Variants in BTRC observed in about 807,000 individuals in gnomAD.
The protein encoded by BTRC is F-box/WD repeat-containing protein 1A.
In BTRC, 42 loss-of-function variants were observed where a neutral mutation model predicts 85.5. The ratio of observed to expected loss-of-function variants is 0.49; its 90% CI spans 0.38 to 0.64. BTRC has a LOEUF of 0.64. BTRC is among the 30% of genes least tolerant of loss of function. The probability of loss-of-function intolerance (pLI) is 0.00; values close to 1 mark genes in which losing one functional copy is unlikely to be tolerated. For missense variants in BTRC, 594 were observed against 743.5 expected (o/e 0.80, Z 2.34); for synonymous variants, 255 against 263.3 (o/e 0.97, Z 0.30).
At chr10:101,434,554 A>T (rs2134092191) in intron 2 of BTRC, among the ~76,000 whole-genome samples, 1 of 152,298 alleles carries the variant, frequency 6.6e-6, no homozygotes, top group South Asian at 2.1e-4. Flanking sequence ...AGATACAAAA[A>T]ATATGAACCA....
At chr10:101,470,565 G>A (rs1039530039) in intron 3 of BTRC, among the ~76,000 whole-genome samples, 1 of 151,976 alleles carries the variant, frequency 6.6e-6, no homozygotes, top group Non-Finnish European at 1.5e-5. Flanking sequence ...CCAGACCTCA[G>A]GTGATCCGAC....
chr10:101,381,099 A>T (rs1192962728), intron 1 of BTRC, among the ~76,000 whole-genome samples: 1 of 151,280 alleles, frequency 6.6e-6, no homozygotes, highest in East Asian at 1.9e-4. Flanking sequence ...ATTTTTACTT[A>T]TTCTCTGACC....
At chr10:101,374,787 A>T (rs1036894583) in intron 1 of BTRC, among the ~76,000 whole-genome samples, 94 of 22,172 alleles carry the variant, frequency 4.2e-3, no homozygotes, top group Admixed American at 6.6e-3. Flanking sequence ...TATAATAAAT[A>T]AAAAAAAAAA....
chr10:101,356,891 G>A (rs960293877), intron 1 of BTRC, among the ~76,000 whole-genome samples: 6 of 152,174 alleles, frequency 3.9e-5, no homozygotes, highest in Non-Finnish European at 7.3e-5. Flanking sequence ...AGGACTTTGG[G>A]AGGCCGAGGC....
intron 3 of BTRC, among the ~76,000 whole-genome samples, chr10:101,465,545 A>T (rs945527317): frequency 6.6e-6 from 1 of 152,196 alleles, no homozygotes. Context: ...TTAATTAATC[A>T]TCAGAAGGGA....
intron 1 of BTRC, among the ~76,000 whole-genome samples, chr10:101,385,615 CTTCT>C (rs1943052374): frequency 2.0e-5 from 1 of 48,908 alleles, no homozygotes; most frequent in African/African-American, 5.5e-5. Context: ...CTTTCTTCTT[CTTCT>C]TTTTTTTTTT....
chr10:101,466,011 C>T (rs780351352), intron 3 of BTRC, among the ~76,000 whole-genome samples: 4 of 152,168 alleles, frequency 2.6e-5, no homozygotes, highest in Non-Finnish European at 4.4e-5. Context: ...GTTTTCCTAC[C>T]TTTTATTCCT....
intron 1 of BTRC, among the ~76,000 whole-genome samples, chr10:101,373,181 A>T (rs1329380418): frequency 3.9e-5 from 6 of 152,270 alleles, no homozygotes; most frequent in Non-Finnish European, 8.8e-5. Flanking sequence ...AGCTATAAAC[A>T]TGTGAATACT....
At chr10:101,541,858 G>A (rs1284654948) in intron 13 of BTRC, among the ~76,000 whole-genome samples, 1 of 152,098 alleles carries the variant, frequency 6.6e-6, no homozygotes, top group African/African-American at 2.4e-5. Context: ...TTTTGTGTGT[G>A]TGTGTATCTG....
In BTRC at chr10:101,532,430, A is replaced by G; in HGVS notation, c.976A>G (p.Lys326Glu). 6.2e-7 allele frequency: 1 copy of G among 1,609,450 alleles called. No individual in the cohort carries two copies. Among genetic ancestry groups the G allele is most frequent in the Non-Finnish European group, 8.5e-7 (1 of 1,178,158 alleles). Residue 326 changes from lysine to glutamate, a missense_variant and splice_region_variant, in exon 8 of 15, where the codon AAG (lysine) becomes GAG (glutamate). This residue lies in a region of BTRC where 373 missense variants were observed against 503.6 expected (regional missense o/e 0.74). Coordinates refer to ENST00000370187, the MANE Select transcript of BTRC (RefSeq NM_033637.4). ...IVSGLRDNTI[K>E]IWDKNTLECK... ...AAGCGGCCTTCGAGACAACACAATC[A>G]AGGTGAGGTCTATTCAGTTGTAGAA...
At position 101,479,408 on chromosome 10, in the gene BTRC, C is replaced by T. The variant is rs369641092; in HGVS notation, c.275C>T (p.Thr92Ile). The stretch of plus-strand genomic sequence containing the variant: ...GCCAGACTCTGCTTAAACCAAGAAA[C>T]AGTATGTTTAGCAAGCACTGCTATG... The part of the protein sequence containing the change: ...SCARLCLNQE[T>I]VCLASTAMKT... The change falls in exon 4 of 15, where the codon ACA (threonine) becomes ATA (isoleucine). Residue 92 changes from threonine to isoleucine, a missense_variant. Physicochemically the swap from Thr to Ile is moderately conservative, Grantham distance 89. This residue lies in a region of BTRC where 163 missense variants were observed against 180.5 expected (regional missense o/e 0.90). Transcript: ENST00000370187. 2.5e-5 allele frequency: 41 copies of T among 1,613,286 alleles called. No homozygotes were observed. Among genetic ancestry groups the T allele is most frequent in the Non-Finnish European group, 3.2e-5 (38 of 1,179,576 alleles).
rs545069768 is a variant in BTRC, at chr10:101,509,549, C to T, written c.325-12090C>T. On this transcript the variant is annotated intron_variant, in intron 4 of 14. Coordinates refer to ENST00000370187, the MANE Select transcript of BTRC (RefSeq NM_033637.4). ...GATTACAGGCGTGAGCCACCGCGCCCAGCCTTTTTTTTTTTTTTTTTGAGA... is the reference window on the plus strand; with the variant it reads ...GATTACAGGCGTGAGCCACCGCGCCTAGCCTTTTTTTTTTTTTTTTTGAGA... Among the ~76,000 whole-genome samples, 577 of 144,820 alleles carry T rather than the reference C, an allele frequency of 4.0e-3. 7 individuals carry two copies. The highest frequency in any genetic ancestry group is 0.014 in the African/African-American group (548 of 38,890).
chr10:101,521,615 G>A, intron 4 of BTRC, 24 bp from the exon 5 acceptor site: 4 of 1,527,830 alleles, frequency 2.6e-6, no homozygotes, highest in Non-Finnish European at 3.6e-6. Context: ...ATCATTTTAT[G>A]TTTCTTTTAA....
rs1248738795 is a variant in BTRC at position 101,371,860 on chromosome 10, A to C, written c.48+17632A>C. Among the ~76,000 whole-genome samples the C allele has an allele frequency of 2.0e-5, 3 of 152,148 alleles. No homozygotes were observed. The East Asian group carries it at 5.8e-4, about 29-fold the overall frequency. On this transcript the variant is annotated intron_variant, in intron 1 of 14. Transcript: ENST00000370187. ...TTTTTTTTCTTTCTCCATGCCAGACAGGTAATGTGCCTATGTAACAAGGTT... is the reference window on the plus strand; with the variant it reads ...TTTTTTTTCTTTCTCCATGCCAGACCGGTAATGTGCCTATGTAACAAGGTT...
chr10:101,547,401 C>T (rs747274550), intron 13 of BTRC, among the ~76,000 whole-genome samples: 3 of 122,510 alleles, frequency 2.4e-5, no homozygotes, highest in Non-Finnish European at 3.1e-5. Context: ...AGTGCAATGG[C>T]GCAATCTCGG....
chr10:101,374,786 TAAAA>T (rs35956327), intron 1 of BTRC, among the ~76,000 whole-genome samples: 20 of 145,500 alleles, frequency 1.4e-4, no homozygotes, highest in Non-Finnish European at 2.5e-4. Context: ...GTATAATAAA[TAAAA>T]AAAAAAAAAA....
chr10:101,389,610 C>CTTTTTTTTT (rs34480405), intron 1 of BTRC, among the ~76,000 whole-genome samples: 1 of 62,520 alleles, frequency 1.6e-5, no homozygotes, highest in African/African-American at 6.6e-5. Flanking sequence ...TGCCAAACAC[C>CTTTTTTTTT]TTTTTTTTTT....
chr10:101,510,703 G>A (rs2134328662), intron 4 of BTRC, among the ~76,000 whole-genome samples: 1 of 152,124 alleles, frequency 6.6e-6, no homozygotes, highest in East Asian at 1.9e-4. Flanking sequence ...TAATGTACCA[G>A]ACTAAATATC....
chr10:101,430,774 C>T (rs868515879), intron 2 of BTRC, among the ~76,000 whole-genome samples: 2 of 152,120 alleles, frequency 1.3e-5, no homozygotes, highest in South Asian at 2.1e-4. Flanking sequence ...GTAATATTTG[C>T]TCTGGACCTA....
Sources: gnomAD v4.1 joint callset for allele counts (sites outside exome capture counted in the v4.1 genomes callset) on GRCh38, gnomAD v4.1.1 for gene constraint, gnomAD v4.1.1 regional missense constraint, MANE v1.5 for transcripts, NCBI Gene and HGNC (gene_info 2026-07-23, HGNC 2026-07-21) for gene names.